The following ANTXR1 variants were observed in gnomAD, a reference collection of about 807,000 sequenced individuals.
ANTXR1 encodes anthrax toxin receptor 1.
In ANTXR1, 19 loss-of-function variants were observed where a neutral mutation model predicts 78.1. That is an observed-to-expected ratio of 0.24 (90% CI 0.17 to 0.36). ANTXR1 has a LOEUF of 0.36. ANTXR1 is among the 10% of genes least tolerant of loss of function. ANTXR1 has a pLI of 1.00. For synonymous variants in ANTXR1, 273 were observed against 260.5 expected, an observed-to-expected ratio of 1.05 and a Z score of -0.46; for missense variants, 518 against 718.6, an observed-to-expected ratio of 0.72 and a Z score of 3.19.
At chr2:69,199,870 C>A (rs1176747099) in intron 17 of ANTXR1, among the ~76,000 whole-genome samples, 1 of 152,150 alleles carries the variant, frequency 6.6e-6, no homozygotes, top group Non-Finnish European at 1.5e-5. Context: ...CCTTCAGAAA[C>A]CCCAAGAGTA....
At chr2:69,210,072 G>C (rs1423740776) in intron 17 of ANTXR1, among the ~76,000 whole-genome samples, 1 of 152,202 alleles carries the variant, frequency 6.6e-6, no homozygotes, top group Non-Finnish European at 1.5e-5. Context: ...GGACCCAGTA[G>C]AAATGGTGAG....
intron 3 of ANTXR1, among the ~76,000 whole-genome samples, chr2:69,061,566 C>T (rs1306635970): frequency 6.6e-6 from 1 of 150,738 alleles, no homozygotes; most frequent in African/African-American, 2.4e-5. Flanking sequence ...TGCAGAGCTT[C>T]CAACAAGGCT....
chr2:69,242,159 C>T (rs965393571), intron 17 of ANTXR1, among the ~76,000 whole-genome samples: 1 of 152,136 alleles, frequency 6.6e-6, no homozygotes, highest in Non-Finnish European at 1.5e-5. Flanking sequence ...AAGGAGGACT[C>T]TTTGCCTCCA....
chr2:69,132,054 T>C (rs1243755410), intron 12 of ANTXR1, among the ~76,000 whole-genome samples: 1 of 152,162 alleles, frequency 6.6e-6, no homozygotes, highest in African/African-American at 2.4e-5. Flanking sequence ...TGTGAGGATC[T>C]GCAGCACAAG....
rs902175783 is a variant in ANTXR1 at position 69,167,894 on chromosome 2, G to T, written c.1048-2354G>T. On this transcript the variant is annotated intron_variant, in intron 13 of 17. Transcript: ENST00000303714. ...TAGCATTGTGTTTTGGGTTCCTTAGGGTCTGGCACATTGCAGGATGTAGAA... is the reference window on the plus strand; with the variant it reads ...TAGCATTGTGTTTTGGGTTCCTTAGTGTCTGGCACATTGCAGGATGTAGAA... 2.6e-5 allele frequency among the ~76,000 whole-genome samples: 4 copies of T among 152,028 alleles called. No individual in the cohort carries two copies. The South Asian group carries it at 8.3e-4, about 32-fold the overall frequency.
chr2:69,138,062 C>T (rs531327450), intron 12 of ANTXR1, among the ~76,000 whole-genome samples: 36 of 132,544 alleles, frequency 2.7e-4, no homozygotes, highest in African/African-American at 5.8e-4. Context: ...CCAGCCGAGG[C>T]GACAACAGCA....
chr2:69,016,855 G>A (rs1442054178), intron 1 of ANTXR1, among the ~76,000 whole-genome samples: 6 of 152,198 alleles, frequency 3.9e-5, no homozygotes, highest in African/African-American at 1.4e-4. Flanking sequence ...TCTAAACAGT[G>A]TGCTCACTTC....
At chr2:69,172,569 C>T (rs1203913289) in intron 14 of ANTXR1, 127 of 1,341,626 alleles carry the variant, frequency 9.5e-5, no homozygotes, top group East Asian at 6.6e-4. Context: ...CACTCTCTGC[C>T]GTATATATGA....
At chr2:69,216,334 T>C (rs1265537973) in intron 17 of ANTXR1, among the ~76,000 whole-genome samples, 2 of 152,184 alleles carry the variant, frequency 1.3e-5, no homozygotes, top group Non-Finnish European at 1.5e-5. Flanking sequence ...TAGGTGGTTT[T>C]AGGTGGGTTC....
chr2:69,159,152 A>C (rs1338947091), intron 13 of ANTXR1, among the ~76,000 whole-genome samples: 1 of 152,176 alleles, frequency 6.6e-6, no homozygotes, highest in Non-Finnish European at 1.5e-5. Context: ...TATGTATCTA[A>C]TATTATATAA....
At chr2:69,154,058 G>C (rs528681799) in intron 13 of ANTXR1, among the ~76,000 whole-genome samples, 69 of 152,162 alleles carry the variant, frequency 4.5e-4, no homozygotes, top group Non-Finnish European at 9.4e-4. Flanking sequence ...ACTGTAATAG[G>C]AATCTATTAT....
chr2:69,201,578 G>A (rs1443312784), intron 17 of ANTXR1, among the ~76,000 whole-genome samples: 9 of 152,314 alleles, frequency 5.9e-5, no homozygotes, highest in South Asian at 2.1e-4. Context: ...TGGACATAGC[G>A]GCAGTGAGAG....
intron 12 of ANTXR1, chr2:69,145,850 C>T (rs1005681968): frequency 1.0e-5 from 10 of 986,660 alleles, no homozygotes; most frequent in African/African-American, 1.7e-5. Context: ...CAAGATATTT[C>T]ACTCCCGCCC....
intron 12 of ANTXR1, among the ~76,000 whole-genome samples, chr2:69,125,068 A>G (rs532440305): frequency 6.6e-6 from 1 of 152,296 alleles, no homozygotes; most frequent in Admixed American, 6.5e-5. Context: ...GTATGAGCTG[A>G]AGGAAAATGT....
At chr2:69,033,995 TG>T (rs771817129) in intron 1 of ANTXR1, among the ~76,000 whole-genome samples, 9 of 152,100 alleles carry the variant, frequency 5.9e-5, no homozygotes, top group Non-Finnish European at 1.2e-4. Flanking sequence ...CAAGTCAGAA[TG>T]AGATTTGGAG....
chr2:69,156,674 G>C (rs1673533999), intron 13 of ANTXR1, among the ~76,000 whole-genome samples: 1 of 152,242 alleles, frequency 6.6e-6, no homozygotes, highest in Non-Finnish European at 1.5e-5. Context: ...GCAGGAGGAA[G>C]AGAAGAACGA....
chr2:69,183,667 G>A lies in ANTXR1; in HGVS notation c.1353+1007G>A, dbSNP rs185446703. On this transcript the variant is annotated intron_variant, in intron 16 of 17. Transcript: ENST00000303714. ...CCTGATAAAGCAGTCTGCCCACCTC[G>A]GCCTCCCAAAGTGCTAAGATTACAG... 2.5e-3 allele frequency among the ~76,000 whole-genome samples: 354 copies of A among 142,474 alleles called. 1 individual carries two copies. Among genetic ancestry groups the A allele is most frequent in the Middle Eastern group, 0.011 (3 of 264 alleles). 93.5% of individuals were successfully genotyped at this position (142,474 alleles called of 152,430 possible). A position where few individuals can be genotyped will look rare whatever the true frequency, so the allele number is the denominator to read the frequency against.
intron 10 of ANTXR1, among the ~76,000 whole-genome samples, chr2:69,106,786 AAAC>A (rs1238862246): frequency 6.6e-6 from 1 of 152,202 alleles, no homozygotes; most frequent in Non-Finnish European, 1.5e-5. Context: ...TGCCTGCAGC[AAAC>A]AACCCCCTAA....
intron 1 of ANTXR1, 72 bp from the exon 2 acceptor site, chr2:69,039,972 G>T (rs1324703841): frequency 2.5e-5 from 31 of 1,258,706 alleles, no homozygotes; most frequent in Non-Finnish European, 3.6e-5. Context: ...ATAACAGAAT[G>T]TGAAGATAAA....
Sources: allele counts gnomAD v4.1 joint callset (sites outside exome capture counted in the v4.1 genomes callset), GRCh38; gene constraint gnomAD v4.1.1; transcripts MANE v1.5; gene names NCBI Gene and HGNC (gene_info 2026-07-23, HGNC 2026-07-21).